Variants in TLL2 observed in about 807,000 individuals in gnomAD.
TLL2 encodes the protein tolloid-like protein 2.
Under a neutral mutation model 123.0 loss-of-function variants are expected in TLL2, and 106 were observed. The observed-to-expected ratio is 0.86, with a 90% CI of 0.74 to 1.01. The LOEUF (loss-of-function observed/expected upper bound fraction) is 1.01, where lower values mean the gene tolerates loss of function less well. TLL2 is among the 50% of genes least tolerant of loss of function. The pLI is 0.00. For synonymous variants in TLL2, 494 were observed against 516.8 expected (o/e 0.96, Z 0.60); for missense variants, 1,332 against 1,336.7 (o/e 1.00, Z 0.06).
In TLL2 at chr10:96,513,552, G is replaced by A. The variant is rs574522103; in HGVS notation, c.134C>T (p.Thr45Met). ...DYSELDGEEG[T>M]EQQLEHYHDP... The stretch of plus-strand genomic sequence containing the variant: ...GTGGTAATGCTCCAGCTGCTGCTCC[G>A]TGCCCTCCTCGCCGTCCAGCTCTGA... Residue 45 changes from threonine (T) to methionine (M), a missense_variant, in exon 1 of 21, where the codon ACG becomes ATG. By Grantham distance (81) the Thr-to-Met change is moderately conservative. Transcript: ENST00000357947. 1.9e-5 allele frequency: 30 copies of A among 1,612,128 alleles called. No individual in the cohort carries two copies. The highest frequency in any genetic ancestry group is 1.5e-4 in the South Asian group (14 of 91,070).
intron 16 of TLL2, among the ~76,000 whole-genome samples, chr10:96,381,959 C>T (rs1229301720): frequency 6.6e-6 from 1 of 152,198 alleles, no homozygotes; most frequent in Non-Finnish European, 1.5e-5. Flanking sequence ...AAGTACAGTT[C>T]CTGCTTGTAA....
intron 2 of TLL2, among the ~76,000 whole-genome samples, chr10:96,476,167 C>G (rs1178989854): frequency 1.3e-5 from 2 of 148,634 alleles, no homozygotes; most frequent in Non-Finnish European, 3.0e-5. Context: ...CATCTTCCCA[C>G]ACATTTGGAA....
chr10:96,452,428 A>C (rs1846970066), intron 2 of TLL2, among the ~76,000 whole-genome samples: 1 of 152,240 alleles, frequency 6.6e-6, no homozygotes, highest in Admixed American at 6.5e-5. Flanking sequence ...GTCACCTGCG[A>C]GGGACACAGG....
At chr10:96,450,353 C>T (rs1846945222) in intron 2 of TLL2, among the ~76,000 whole-genome samples, 1 of 151,732 alleles carries the variant, frequency 6.6e-6, no homozygotes, top group Non-Finnish European at 1.5e-5. Flanking sequence ...CGATTTGAAT[C>T]ACCTGGGAAG....
chr10:96,433,436 C>T (rs1001114548), intron 3 of TLL2, among the ~76,000 whole-genome samples: 3 of 152,136 alleles, frequency 2.0e-5, no homozygotes, highest in African/African-American at 2.4e-5. Context: ...TAAGAAAAAC[C>T]GTGGGAAAAG....
chr10:96,447,573 GC>G (rs1846910752), intron 2 of TLL2, among the ~76,000 whole-genome samples: 1 of 152,114 alleles, frequency 6.6e-6, no homozygotes, highest in Admixed American at 6.6e-5. Context: ...GGCCACCAAT[GC>G]CACCTGCCCT....
At chr10:96,442,088 T>C (rs1351516141) in intron 3 of TLL2, among the ~76,000 whole-genome samples, 1 of 152,188 alleles carries the variant, frequency 6.6e-6, no homozygotes, top group Non-Finnish European at 1.5e-5. Flanking sequence ...TTATCAGCCC[T>C]GAAATGCATG....
intron 3 of TLL2, among the ~76,000 whole-genome samples, chr10:96,441,731 G>C (rs1009146376): frequency 6.6e-6 from 1 of 152,272 alleles, no homozygotes; most frequent in Non-Finnish European, 1.5e-5. Context: ...GGTGAGTAAG[G>C]GCTCAGTGTG....
chr10:96,502,178 T>C (rs1055665569), intron 1 of TLL2, among the ~76,000 whole-genome samples: 3 of 152,024 alleles, frequency 2.0e-5, no homozygotes, highest in South Asian at 2.1e-4. Flanking sequence ...GAAGAACCGA[T>C]GTGAGCTGGA....
intron 1 of TLL2, among the ~76,000 whole-genome samples, chr10:96,492,640 A>G (rs1248164680): frequency 6.6e-6 from 1 of 152,138 alleles, no homozygotes; most frequent in African/African-American, 2.4e-5. Context: ...AACAAACAAA[A>G]ATCAGATCTC....
chr10:96,424,281 C>T (rs2901994), intron 5 of TLL2, among the ~76,000 whole-genome samples: 149,536 of 152,282 alleles, frequency 0.98, 73,486 homozygotes, highest in Middle Eastern at 1. Context: ...AATAATAAGT[C>T]AATTGTACAT....
chr10:96,415,282 C>T lies in TLL2; in HGVS notation c.924-1966G>A, dbSNP rs141549218. Among the ~76,000 whole-genome samples, 536 of 152,268 alleles carry T rather than the reference C, an allele frequency of 3.5e-3. 3 individuals are homozygous for T. Among genetic ancestry groups the T allele is most frequent in the African/African-American group, 0.012 (479 of 41,542 alleles). On this transcript the variant is annotated intron_variant, in intron 7 of 20. Transcript: ENST00000357947. ...CAAATATGCCCTTGCACATGCTATC[C>T]GCTCCCTAGGCTGCCCATGCCCTCT... is the stretch of plus-strand genomic sequence containing the variant.
intron 2 of TLL2, among the ~76,000 whole-genome samples, chr10:96,461,538 C>T (rs755104937): frequency 2.0e-5 from 3 of 151,980 alleles, no homozygotes; most frequent in Non-Finnish European, 2.9e-5. Flanking sequence ...GACTCACCCT[C>T]CTGCCAACCA....
chr10:96,488,319 C>A (rs538750183), intron 1 of TLL2, among the ~76,000 whole-genome samples: 28 of 152,310 alleles, frequency 1.8e-4, no homozygotes, highest in Middle Eastern at 6.8e-3. Flanking sequence ...CCCAGGGCAG[C>A]CCTTACCGAC....
Position 96,409,114 on chromosome 10 carries a change from G to A in TLL2, c.1164+1245C>T, listed in dbSNP as rs555932945. On this transcript the variant is annotated intron_variant, in intron 9 of 20. Coordinates refer to ENST00000357947, the MANE Select transcript of TLL2 (RefSeq NM_012465.4). ...AGAAATACCTGAAGGTTGGCTACAG[G>A]TGCCTGAAAAATTCCATCACACCCC... Among the ~76,000 whole-genome samples the A allele has an allele frequency of 7.9e-5, 12 of 152,304 alleles. No individual in the cohort carries two copies. The South Asian group carries it at 1.7e-3, about 21-fold the overall frequency.
chr10:96,445,017 G>C (rs1488822727), intron 3 of TLL2, among the ~76,000 whole-genome samples: 2 of 152,158 alleles, frequency 1.3e-5, no homozygotes, highest in Admixed American at 1.3e-4. Context: ...GTGAAACCCC[G>C]TCTCTACTAA....
chr10:96,458,518 A>G (rs539947901), intron 2 of TLL2, among the ~76,000 whole-genome samples: 2 of 134,240 alleles, frequency 1.5e-5, no homozygotes, highest in African/African-American at 5.7e-5. Context: ...ACCTGGGAGG[A>G]GGAGGTTGCA....
At chr10:96,425,120 A>G (rs1178277321) in intron 5 of TLL2, among the ~76,000 whole-genome samples, 5 of 151,632 alleles carry the variant, frequency 3.3e-5, no homozygotes, top group African/African-American at 1.2e-4. Context: ...GTGTATAGGT[A>G]TATTCATTTT....
chr10:96,403,227 C>T (rs991304676), intron 10 of TLL2, among the ~76,000 whole-genome samples: 3 of 152,132 alleles, frequency 2.0e-5, no homozygotes, highest in African/African-American at 7.2e-5. Context: ...AGCCACTGGT[C>T]CTCTAGGCAA....
Sources: allele counts gnomAD v4.1 joint callset (sites outside exome capture counted in the v4.1 genomes callset), GRCh38; gene constraint gnomAD v4.1.1; transcripts MANE v1.5; gene names NCBI Gene and HGNC (gene_info 2026-07-23, HGNC 2026-07-21).